CSNK2A2IP: variants seen among roughly 807,000 people sequenced by gnomAD.
The protein encoded by CSNK2A2IP is casein kinase II subunit alpha'-interacting protein.
the CSNK2A2IP span, among the ~76,000 whole-genome samples, chr3:88,381,881 A>G: frequency 6.6e-6 from 1 of 152,208 alleles, no homozygotes; most frequent in Non-Finnish European, 1.5e-5. Context: ...AAATGTATCA[A>G]GTTATAGACA....
chr3:88,416,530 G>A, the CSNK2A2IP span, among the ~76,000 whole-genome samples: 3 of 152,108 alleles, frequency 2.0e-5, no homozygotes, highest in African/African-American at 7.2e-5. Context: ...GGCAGTGAGA[G>A]ATCAGTAATG....
At chr3:88,400,380 AG>A in the CSNK2A2IP span, among the ~76,000 whole-genome samples, 1 of 152,240 alleles carries the variant, frequency 6.6e-6, no homozygotes, top group South Asian at 2.1e-4. Flanking sequence ...TGGGAGGAAC[AG>A]GAGAAAGGGG....
At chr3:88,454,143 G>T in the CSNK2A2IP span, among the ~76,000 whole-genome samples, 1 of 151,856 alleles carries the variant, frequency 6.6e-6, no homozygotes, top group South Asian at 2.1e-4. Flanking sequence ...TTATTTAGTG[G>T]TATCTCATGT....
the CSNK2A2IP span, chr3:88,467,000 A>G: frequency 8.2e-7 from 1 of 1,221,512 alleles, no homozygotes; most frequent in Non-Finnish European, 1.0e-6. Flanking sequence ...GTCCCTGAAG[A>G]CAACCTTGAA....
the CSNK2A2IP span, among the ~76,000 whole-genome samples, chr3:88,381,705 G>A: frequency 6.6e-6 from 1 of 152,206 alleles, no homozygotes; most frequent in Admixed American, 6.5e-5. Context: ...AGCAATTTCA[G>A]CAGCGACACA....
the CSNK2A2IP span, among the ~76,000 whole-genome samples, chr3:88,409,652 A>G: frequency 6.6e-6 from 1 of 152,096 alleles, no homozygotes; most frequent in Non-Finnish European, 1.5e-5. Context: ...AAATTATAGC[A>G]CACATGCACA....
At chr3:88,420,386 G>T in the CSNK2A2IP span, among the ~76,000 whole-genome samples, 1 of 152,086 alleles carries the variant, frequency 6.6e-6, no homozygotes, top group Non-Finnish European at 1.5e-5. Context: ...TCTTCCCTAT[G>T]TTAGTACTTT....
the CSNK2A2IP span, among the ~76,000 whole-genome samples, chr3:88,384,922 T>G: frequency 6.6e-6 from 1 of 151,990 alleles, no homozygotes; most frequent in South Asian, 2.1e-4. Context: ...ATGACAAAGA[T>G]TGGGGAGACA....
chr3:88,340,253 G>A, the CSNK2A2IP span, among the ~76,000 whole-genome samples: 66,425 of 151,518 alleles, frequency 0.44, 15,803 homozygotes, highest in South Asian at 0.62. Flanking sequence ...GTATTTAGGA[G>A]CATGATTAAA....
chr3:88,412,141 G>T, the CSNK2A2IP span, among the ~76,000 whole-genome samples: 6 of 151,902 alleles, frequency 3.9e-5, no homozygotes, highest in East Asian at 1.2e-3. Flanking sequence ...TATTTTTGAA[G>T]GGGTAATAGT....
chr3:88,443,414 A>G, the CSNK2A2IP span, among the ~76,000 whole-genome samples: 3 of 152,160 alleles, frequency 2.0e-5, no homozygotes, highest in African/African-American at 7.2e-5. Flanking sequence ...GTGCAAATTG[A>G]GAAAAGAGGT....
At chr3:88,395,377 G>A in the CSNK2A2IP span, among the ~76,000 whole-genome samples, 1 of 152,056 alleles carries the variant, frequency 6.6e-6, no homozygotes, top group Admixed American at 6.6e-5. Flanking sequence ...CAAATTTAGT[G>A]TTTTCTGTAA....
the CSNK2A2IP span, among the ~76,000 whole-genome samples, chr3:88,396,456 G>A: frequency 6.6e-6 from 1 of 152,176 alleles, no homozygotes; most frequent in Non-Finnish European, 1.5e-5. Context: ...CTTAGGAGGA[G>A]AGTACAGAAA....
chr3:88,448,289 A>G, the CSNK2A2IP span, among the ~76,000 whole-genome samples: 1 of 152,214 alleles, frequency 6.6e-6, no homozygotes, highest in Non-Finnish European at 1.5e-5. Context: ...TTATTGGCAG[A>G]AAGTCTTGCA....
At chr3:88,347,065 G>A in the CSNK2A2IP span, among the ~76,000 whole-genome samples, 1 of 152,014 alleles carries the variant, frequency 6.6e-6, no homozygotes. Context: ...AGTAATTGCA[G>A]ACGTAGTGGA....
chr3:88,434,166 G>A, the CSNK2A2IP span, among the ~76,000 whole-genome samples: 1 of 152,234 alleles, frequency 6.6e-6, no homozygotes, highest in South Asian at 2.1e-4. Context: ...CAATGTGGAA[G>A]TTGATGGCCA....
chr3:88,442,886 A>C, the CSNK2A2IP span, among the ~76,000 whole-genome samples: 1 of 151,998 alleles, frequency 6.6e-6, no homozygotes, highest in Non-Finnish European at 1.5e-5. Flanking sequence ...TATAATAAAA[A>C]ATTATTTATT....
At chr3:88,418,463 T>TGTGTGTGCGCGCGCGCGCGCGCGC in the CSNK2A2IP span, among the ~76,000 whole-genome samples, 29 of 149,626 alleles carry the variant, frequency 1.9e-4, no homozygotes, top group African/African-American at 7.1e-4. Context: ...TGTGTGTGTG[T>TGTGTGTGCGCGCGCGCGCGCGCGC]GCGCGCGGGC....
At chr3:88,447,784 T>C in the CSNK2A2IP span, among the ~76,000 whole-genome samples, 43 of 152,118 alleles carry the variant, frequency 2.8e-4, no homozygotes, top group Admixed American at 1.8e-3. Context: ...TCAGAATACT[T>C]ATCATCAGAG....
Sources: gnomAD v4.1 joint callset for allele counts (sites outside exome capture counted in the v4.1 genomes callset) on GRCh38, gnomAD v4.1.1 for gene constraint, MANE v1.5 for transcripts, NCBI Gene and HGNC (gene_info 2026-07-23, HGNC 2026-07-21) for gene names.